TBC1D19: variants seen among roughly 807,000 people sequenced by gnomAD.
The protein encoded by TBC1D19 is TBC1 domain family member 19.
A neutral mutation model predicts 89.0 loss-of-function variants in TBC1D19; 60 were observed. The ratio of observed to expected loss-of-function variants is 0.67; its 90% CI spans 0.55 to 0.84. The LOEUF is 0.84. TBC1D19 is among the 40% of genes least tolerant of loss of function. The pLI is 0.00. For synonymous variants in TBC1D19, 189 were observed against 199.7 expected, an observed-to-expected ratio of 0.95 and a Z score of 0.45; for missense variants, 500 against 610.8, an observed-to-expected ratio of 0.82 and a Z score of 1.91.
chr4:26,611,951 T>A (rs1741403502), intron 1 of TBC1D19, among the ~76,000 whole-genome samples: 2 of 152,052 alleles, frequency 1.3e-5, no homozygotes, highest in African/African-American at 4.8e-5. Context: ...CTGGCTATAT[T>A]TGAATTAGGC....
intron 1 of TBC1D19, among the ~76,000 whole-genome samples, chr4:26,601,789 C>T (rs1740624419): frequency 6.6e-6 from 1 of 152,144 alleles, no homozygotes; most frequent in Non-Finnish European, 1.5e-5. Context: ...CTTTTTGATT[C>T]TTACATTCTA....
chr4:26,682,529 C>T (rs775291845), intron 11 of TBC1D19, among the ~76,000 whole-genome samples: 12 of 152,118 alleles, frequency 7.9e-5, no homozygotes, highest in African/African-American at 7.2e-5. Flanking sequence ...TTGTCTCAGA[C>T]GACCCTATCC....
the TBC1D19 span, among the ~76,000 whole-genome samples, chr4:26,783,929 C>T: frequency 6.6e-6 from 1 of 152,150 alleles, no homozygotes; most frequent in Non-Finnish European, 1.5e-5. Flanking sequence ...AAATTCAAAA[C>T]ATTGGGAATG....
the TBC1D19 span, among the ~76,000 whole-genome samples, chr4:26,835,553 C>G: frequency 4.6e-5 from 7 of 152,206 alleles, no homozygotes; most frequent in Non-Finnish European, 1.5e-5. Context: ...AAGGCAGAAT[C>G]GTAGGAGCCA....
chr4:26,845,817 A>T, the TBC1D19 span, among the ~76,000 whole-genome samples: 1 of 152,314 alleles, frequency 6.6e-6, no homozygotes, highest in Admixed American at 6.5e-5. Context: ...CTCCTTATAA[A>T]ACCATCAGAT....
At chr4:26,707,234 A>G (rs546736728) in intron 13 of TBC1D19, among the ~76,000 whole-genome samples, 286 of 152,104 alleles carry the variant, frequency 1.9e-3, no homozygotes, top group African/African-American at 6.5e-3. Context: ...AGGTACATAA[A>G]TGTTTATAGC....
In TBC1D19 at chr4:26,648,145, T is replaced by A. The variant is rs187107738; in HGVS notation, c.480+7958T>A. ...GAATGAACCTGCAAACACAAAGAGA[T>A]CCACACTTCTGACAGAGCTCTCAGG... On this transcript the variant is annotated intron_variant, in intron 7 of 20. Transcript: ENST00000264866. Among the ~76,000 whole-genome samples the A allele has an allele frequency of 1.5e-4, 23 of 152,200 alleles. No individual in the cohort carries two copies. In the East Asian group the frequency reaches 3.9e-3, roughly 26 times the overall value.
At chr4:26,767,243 A>G in the TBC1D19 span, among the ~76,000 whole-genome samples, 1 of 152,224 alleles carries the variant, frequency 6.6e-6, no homozygotes, top group Non-Finnish European at 1.5e-5. Flanking sequence ...TTTATACTGC[A>G]CATTAGTCCA....
chr4:26,746,004 A>T (rs1718627832), intron 18 of TBC1D19, among the ~76,000 whole-genome samples: 1 of 151,860 alleles, frequency 6.6e-6, no homozygotes, highest in Admixed American at 6.6e-5. Context: ...ATTTCTTTGG[A>T]TTTATCCTCT....
At chr4:26,666,754 C>T (rs1156705390) in intron 9 of TBC1D19, among the ~76,000 whole-genome samples, 1 of 151,976 alleles carries the variant, frequency 6.6e-6, no homozygotes, top group Admixed American at 6.6e-5. Flanking sequence ...CTGACGTCTA[C>T]CTTGAGTCAA....
At chr4:26,808,073 G>C in the TBC1D19 span, among the ~76,000 whole-genome samples, 2 of 152,176 alleles carry the variant, frequency 1.3e-5, no homozygotes, top group Non-Finnish European at 2.9e-5. Context: ...AAAGCTGAAG[G>C]GTACATTTTT....
the TBC1D19 span, among the ~76,000 whole-genome samples, chr4:26,762,562 C>T: frequency 1.4e-4 from 22 of 152,200 alleles, no homozygotes; most frequent in African/African-American, 2.9e-4. Flanking sequence ...AAAGTAATGG[C>T]GCCATCCTTC....
At chr4:26,579,728 C>T (rs889759097), upstream of TBC1D19, among the ~76,000 whole-genome samples, 7 of 144,218 alleles carry the variant, frequency 4.9e-5, no homozygotes, top group Admixed American at 2.9e-4. Flanking sequence ...TCTCATTGTT[C>T]AACTCCCGCT....
At chr4:26,588,234 C>T (rs1739543568) in intron 1 of TBC1D19, among the ~76,000 whole-genome samples, 1 of 151,950 alleles carries the variant, frequency 6.6e-6, no homozygotes, top group African/African-American at 2.4e-5. Context: ...ACCGTGTTAG[C>T]CAGGATGGTC....
upstream of TBC1D19, among the ~76,000 whole-genome samples, chr4:26,579,198 T>A (rs1739024378): frequency 6.6e-6 from 1 of 152,180 alleles, no homozygotes; most frequent in African/African-American, 2.4e-5. Context: ...GGCCCAAATA[T>A]CATTCACAGG....
At chr4:26,604,858 T>G (rs1388478635) in intron 1 of TBC1D19, among the ~76,000 whole-genome samples, 1 of 149,828 alleles carries the variant, frequency 6.7e-6, no homozygotes, top group Non-Finnish European at 1.5e-5. Context: ...CACTTCAGCC[T>G]GGGCGACAGA....
At chr4:26,783,400 A>G in the TBC1D19 span, among the ~76,000 whole-genome samples, 1 of 152,232 alleles carries the variant, frequency 6.6e-6, no homozygotes, top group African/African-American at 2.4e-5. Context: ...CATCACTGAC[A>G]ATGACTTGCC....
the TBC1D19 span, among the ~76,000 whole-genome samples, chr4:26,844,993 T>G: frequency 6.6e-6 from 1 of 151,104 alleles, no homozygotes; most frequent in African/African-American, 2.5e-5. Flanking sequence ...TCTTATCCTG[T>G]TTTTTTCACT....
intron 1 of TBC1D19, among the ~76,000 whole-genome samples, chr4:26,598,594 C>T (rs546004766): frequency 1.6e-4 from 25 of 152,184 alleles, no homozygotes; most frequent in Non-Finnish European, 2.9e-4. Flanking sequence ...CGGGGTTTCA[C>T]CATGTTAGCC....
Sources: allele counts gnomAD v4.1 joint callset (sites outside exome capture counted in the v4.1 genomes callset), GRCh38; gene constraint gnomAD v4.1.1; transcripts MANE v1.5; gene names NCBI Gene and HGNC (gene_info 2026-07-23, HGNC 2026-07-21).